FBXL13: variants seen among roughly 807,000 people sequenced by gnomAD.
FBXL13 encodes F-box and leucine rich repeat protein 13.
In FBXL13, 67 loss-of-function variants were observed where a neutral mutation model predicts 83.6. The ratio of observed to expected loss-of-function variants is 0.80; its 90% CI spans 0.66 to 0.98. The LOEUF (loss-of-function observed/expected upper bound fraction) is 0.98. Ranked by LOEUF, FBXL13 falls within the 50% of genes least tolerant of loss-of-function variation. The probability of loss-of-function intolerance (pLI) is 0.00; values close to 1 mark genes in which losing one functional copy is unlikely to be tolerated. For missense variants in FBXL13, 822 were observed against 866.5 expected (o/e 0.95, Z 0.64); for synonymous variants, 272 against 299.5 (o/e 0.91, Z 0.95).
intron 19 of FBXL13, among the ~76,000 whole-genome samples, chr7:102,814,010 G>C (rs1364030115): frequency 6.6e-6 from 1 of 151,976 alleles, no homozygotes. Flanking sequence ...ATGCAGTTTT[G>C]TCTATAATAC....
chr7:102,995,277 C>A (rs946979243), intron 6 of FBXL13, among the ~76,000 whole-genome samples: 1 of 147,800 alleles, frequency 6.8e-6, no homozygotes, highest in Non-Finnish European at 1.5e-5. Flanking sequence ...GTCAGGAGAT[C>A]GAGACCATTA....
At chr7:103,024,790 G>C (rs1206090407) in intron 6 of FBXL13, among the ~76,000 whole-genome samples, 1 of 139,922 alleles carries the variant, frequency 7.1e-6, no homozygotes, top group Non-Finnish European at 1.5e-5. Context: ...TACATCAAGA[G>C]TAGGATTATA....
chr7:103,015,510 T>A (rs1306705752), intron 6 of FBXL13, among the ~76,000 whole-genome samples: 2 of 152,096 alleles, frequency 1.3e-5, no homozygotes, highest in East Asian at 3.9e-4. Flanking sequence ...ACAAAATCAC[T>A]GTACTAGCTG....
At chr7:102,856,659 A>G (rs1048032266) in intron 16 of FBXL13, among the ~76,000 whole-genome samples, 2 of 152,232 alleles carry the variant, frequency 1.3e-5, no homozygotes, top group Non-Finnish European at 2.9e-5. Context: ...GAATTGATCA[A>G]CATTATTAGC....
intron 2 of FBXL13, among the ~76,000 whole-genome samples, chr7:103,033,785 C>T (rs1044768984): frequency 2.6e-4 from 39 of 152,126 alleles, no homozygotes; most frequent in Non-Finnish European, 5.0e-4. Context: ...GGGACCCCAG[C>T]GGGTTCCCAA....
chr7:103,055,495 G>A (rs531892321), intron 2 of FBXL13, 149 bp downstream of exon 2: 15 of 356,308 alleles, frequency 4.2e-5, no homozygotes, highest in East Asian at 8.3e-5. Flanking sequence ...TCAGGTTTGC[G>A]TCTTTGAAAC....
intron 10 of FBXL13, among the ~76,000 whole-genome samples, chr7:102,925,121 G>A (rs1401094844): frequency 6.6e-6 from 1 of 152,132 alleles, no homozygotes. Flanking sequence ...AGAATAATTG[G>A]GCCAGGCATG....
chr7:103,046,003 A>C (rs1371588849), intron 2 of FBXL13, among the ~76,000 whole-genome samples: 2 of 152,234 alleles, frequency 1.3e-5, no homozygotes, highest in African/African-American at 4.8e-5. Context: ...CTTCGAGAGA[A>C]TACAGTGCAC....
chr7:102,919,724 T>C (rs771403988), intron 10 of FBXL13, among the ~76,000 whole-genome samples: 1 of 152,246 alleles, frequency 6.6e-6, no homozygotes, highest in Non-Finnish European at 1.5e-5. Flanking sequence ...TCAAGAACTA[T>C]ACATGAAGAG....
chr7:102,905,907 A>T (rs1383130676), intron 11 of FBXL13, among the ~76,000 whole-genome samples: 4 of 152,176 alleles, frequency 2.6e-5, no homozygotes, highest in Non-Finnish European at 5.9e-5. Context: ...ACTAATAAAA[A>T]TTCTATGTGT....
chr7:102,880,531 T>C (rs965683946), intron 14 of FBXL13, among the ~76,000 whole-genome samples: 6 of 152,232 alleles, frequency 3.9e-5, no homozygotes, highest in African/African-American at 1.2e-4. Flanking sequence ...TTATGTTTGG[T>C]TGTCTGCTCA....
At chr7:102,875,662 G>A (rs1290279418) in intron 16 of FBXL13, among the ~76,000 whole-genome samples, 7 of 152,152 alleles carry the variant, frequency 4.6e-5, no homozygotes, top group Non-Finnish European at 1.0e-4. Context: ...CAAAACTGAG[G>A]AGATTTAATT....
At chr7:102,934,347 C>T (rs371788242) in intron 8 of FBXL13, 18 of 1,613,960 alleles carry the variant, frequency 1.1e-5, no homozygotes, top group East Asian at 6.7e-5. Context: ...AAAGTCTTGA[C>T]GGAGGAAGTG....
At chr7:102,926,043 A>C (rs1267205374) in intron 10 of FBXL13, among the ~76,000 whole-genome samples, 1 of 152,178 alleles carries the variant, frequency 6.6e-6, no homozygotes, top group Non-Finnish European at 1.5e-5. Flanking sequence ...GGCAAAGTCT[A>C]ACTCAAGCTA....
At chr7:102,865,117 T>C (rs1807440849) in intron 16 of FBXL13, among the ~76,000 whole-genome samples, 1 of 152,240 alleles carries the variant, frequency 6.6e-6, no homozygotes, top group South Asian at 2.1e-4. Context: ...GAGTAAATAT[T>C]TGTTGAGTGA....
At chr7:102,892,513 A>G (rs555790698) in intron 11 of FBXL13, among the ~76,000 whole-genome samples, 2 of 152,336 alleles carry the variant, frequency 1.3e-5, no homozygotes, top group East Asian at 1.9e-4. Context: ...CAGAAAGGAC[A>G]CAAACCATTC....
chr7:102,954,725 A>C (rs2129477716), intron 8 of FBXL13, among the ~76,000 whole-genome samples: 1 of 152,322 alleles, frequency 6.6e-6, no homozygotes, highest in Admixed American at 6.5e-5. Context: ...AAAGCAAAAA[A>C]AGGAGGGGTT....
At chr7:102,934,419 G>T (rs550251967) in intron 8 of FBXL13, 1 of 1,614,194 alleles carries the variant, frequency 6.2e-7, no homozygotes. Flanking sequence ...CACTGTACTT[G>T]TGAGATAGAA....
intron 16 of FBXL13, among the ~76,000 whole-genome samples, chr7:102,875,320 T>C (rs1251459238): frequency 1.4e-5 from 2 of 147,054 alleles, no homozygotes; most frequent in Non-Finnish European, 3.0e-5. Context: ...GGAGCAAATA[T>C]GAGAAAAGGG....
Sources: allele counts gnomAD v4.1 joint callset (sites outside exome capture counted in the v4.1 genomes callset), GRCh38; gene constraint gnomAD v4.1.1; transcripts MANE v1.5; gene names NCBI Gene and HGNC (gene_info 2026-07-23, HGNC 2026-07-21).